Variants in VTI1A observed in about 807,000 individuals in gnomAD.
VTI1A encodes the protein vesicle transport through interaction with t-SNAREs 1A.
In VTI1A, 22 loss-of-function variants were observed where a neutral mutation model predicts 34.9. The ratio of observed to expected loss-of-function variants is 0.63; its 90% CI spans 0.45 to 0.90. The LOEUF (loss-of-function observed/expected upper bound fraction) is 0.90. Ranked by LOEUF, VTI1A falls within the 40% of genes least tolerant of loss-of-function variation. The probability of loss-of-function intolerance (pLI) is 0.00; values close to 1 mark genes in which losing one functional copy is unlikely to be tolerated. For synonymous variants in VTI1A, 87 were observed against 97.3 expected (o/e 0.89, Z 0.62); for missense variants, 268 against 275.6 (o/e 0.97, Z 0.20).
intron 1 of VTI1A, among the ~76,000 whole-genome samples, chr10:112,454,857 C>T (rs1283462069): frequency 1.3e-5 from 2 of 151,948 alleles, no homozygotes; most frequent in African/African-American, 4.8e-5. Flanking sequence ...GTTGAACTTT[C>T]AGGAAATAAT....
At chr10:112,611,682 T>C (rs1845313734) in intron 5 of VTI1A, among the ~76,000 whole-genome samples, 1 of 151,306 alleles carries the variant, frequency 6.6e-6, no homozygotes, top group Non-Finnish European at 1.5e-5. Flanking sequence ...TTTTGCTAAT[T>C]GCAAAATCTG....
At chr10:112,854,512 G>A in the VTI1A span, among the ~76,000 whole-genome samples, 7 of 152,088 alleles carry the variant, frequency 4.6e-5, no homozygotes, top group Admixed American at 2.0e-4. Flanking sequence ...GCTGGGCCCC[G>A]GCCGCCCAGA....
At chr10:112,505,715 C>T (rs1849406897) in intron 3 of VTI1A, among the ~76,000 whole-genome samples, 1 of 151,456 alleles carries the variant, frequency 6.6e-6, no homozygotes, top group African/African-American at 2.4e-5. Context: ...GTTCTGTCAC[C>T]CAGGCTGGAA....
At chr10:112,648,102 C>T (rs920754497) in intron 5 of VTI1A, among the ~76,000 whole-genome samples, 3 of 152,202 alleles carry the variant, frequency 2.0e-5, no homozygotes, top group African/African-American at 4.8e-5. Flanking sequence ...TTGAGATCAT[C>T]TATGTGGAAA....
chr10:112,729,500 A>T (rs1850170595), intron 7 of VTI1A, among the ~76,000 whole-genome samples: 2 of 152,202 alleles, frequency 1.3e-5, no homozygotes, highest in African/African-American at 4.8e-5. Flanking sequence ...AACTGTCTCA[A>T]TTTTACAGTT....
At chr10:112,500,251 A>G (rs751493583) in intron 3 of VTI1A, among the ~76,000 whole-genome samples, 1 of 152,106 alleles carries the variant, frequency 6.6e-6, no homozygotes. Flanking sequence ...CCTAGCCAAC[A>G]TGGTGAGATC....
intron 5 of VTI1A, among the ~76,000 whole-genome samples, chr10:112,628,885 C>T (rs1166270581): frequency 3.3e-5 from 5 of 151,848 alleles, no homozygotes; most frequent in Non-Finnish European, 7.4e-5. Context: ...AATGCATACA[C>T]GTGTGTCTAC....
chr10:112,540,834 C>A (rs555472598), intron 5 of VTI1A, among the ~76,000 whole-genome samples: 119 of 152,230 alleles, frequency 7.8e-4, no homozygotes, highest in Non-Finnish European at 1.3e-3. Context: ...TTGATGTCTT[C>A]TTTTTAAAGA....
At chr10:112,612,177 T>C (rs966339122) in intron 5 of VTI1A, among the ~76,000 whole-genome samples, 8 of 152,162 alleles carry the variant, frequency 5.3e-5, no homozygotes, top group Non-Finnish European at 8.8e-5. Flanking sequence ...ACTAAAAAAG[T>C]GTCTACTCTC....
the VTI1A span, among the ~76,000 whole-genome samples, chr10:112,841,166 A>T: frequency 0.031 from 4,651 of 152,160 alleles, 249 homozygotes; most frequent in African/African-American, 0.11. Flanking sequence ...TTCCTAGGGG[A>T]TACTAAAGAC....
At chr10:112,698,203 A>G (rs951888526) in intron 7 of VTI1A, among the ~76,000 whole-genome samples, 5 of 152,176 alleles carry the variant, frequency 3.3e-5, no homozygotes, top group Non-Finnish European at 5.9e-5. Context: ...TAAAATTGAA[A>G]ACAGAAAGCC....
intron 1 of VTI1A, among the ~76,000 whole-genome samples, chr10:112,457,836 A>T (rs967883698): frequency 3.3e-5 from 5 of 152,162 alleles, no homozygotes; most frequent in African/African-American, 1.2e-4. Context: ...CAGGAGAATG[A>T]CCAGATCAGG....
chr10:112,546,087 C>T (rs759963495), intron 5 of VTI1A, among the ~76,000 whole-genome samples: 4 of 146,480 alleles, frequency 2.7e-5, no homozygotes, highest in South Asian at 2.2e-4. Flanking sequence ...CGTGTATACG[C>T]GTATGTGTGT....
intron 3 of VTI1A, among the ~76,000 whole-genome samples, chr10:112,511,808 A>G (rs1398002403): frequency 1.3e-5 from 2 of 152,272 alleles, no homozygotes; most frequent in East Asian, 3.9e-4. Context: ...TATAAGTGAG[A>G]ACATGTAATA....
intron 7 of VTI1A, among the ~76,000 whole-genome samples, chr10:112,797,619 T>A (rs1385657562): frequency 6.6e-6 from 1 of 152,172 alleles, no homozygotes; most frequent in Admixed American, 6.5e-5. Flanking sequence ...CCAAGTATGA[T>A]ATGATACAGA....
intron 5 of VTI1A, among the ~76,000 whole-genome samples, chr10:112,567,966 T>A (rs1399658049): frequency 1.3e-5 from 2 of 152,198 alleles, no homozygotes; most frequent in Non-Finnish European, 2.9e-5. Context: ...TGTTTTTGAA[T>A]CTTAAAGTGA....
chr10:112,573,514 A>G (rs985282506), intron 5 of VTI1A, among the ~76,000 whole-genome samples: 1 of 152,216 alleles, frequency 6.6e-6, no homozygotes, highest in African/African-American at 2.4e-5. Context: ...TTAATAGATC[A>G]AAAAGAAATT....
intron 7 of VTI1A, among the ~76,000 whole-genome samples, chr10:112,802,643 G>C (rs1448130343): frequency 6.6e-6 from 1 of 152,228 alleles, no homozygotes; most frequent in African/African-American, 2.4e-5. Context: ...TTCTCTAGAA[G>C]AATCACCAAA....
intron 3 of VTI1A, among the ~76,000 whole-genome samples, chr10:112,470,750 G>T (rs1005775430): frequency 6.6e-6 from 1 of 152,062 alleles, no homozygotes; most frequent in African/African-American, 2.4e-5. Context: ...AAATTAGCCG[G>T]GCATGGTGGC....
Sources: gnomAD v4.1 joint callset for allele counts (sites outside exome capture counted in the v4.1 genomes callset) on GRCh38, gnomAD v4.1.1 for gene constraint, MANE v1.5 for transcripts, NCBI Gene and HGNC (gene_info 2026-07-23, HGNC 2026-07-21) for gene names.